The following TUBGCP2 variants were observed in gnomAD, a reference collection of about 807,000 sequenced individuals.
The protein encoded by TUBGCP2 is tubulin gamma complex component 2.
Under a neutral mutation model 92.2 loss-of-function variants are expected in TUBGCP2, and 55 were observed. The observed-to-expected ratio is 0.60, with a 90% CI of 0.48 to 0.75. TUBGCP2 has a LOEUF of 0.75. Among genes scored for constraint, TUBGCP2 ranks in the 30% least tolerant of loss-of-function variants. The pLI, the probability that TUBGCP2 is intolerant of heterozygous loss-of-function variation, is 0.00. For synonymous variants in TUBGCP2, 533 were observed against 505.2 expected (o/e 1.06, Z -0.74); for missense variants, 1,093 against 1,188.9 (o/e 0.92, Z 1.19).
intron 2 of TUBGCP2, among the ~76,000 whole-genome samples, chr10:133,300,857 C>T (rs1847628845): frequency 1.3e-5 from 2 of 152,204 alleles, no homozygotes; most frequent in Admixed American, 6.5e-5. Flanking sequence ...ATACATTTCA[C>T]TGTATTCCCT....
At chr10:133,293,490 T>C (rs998205481) in intron 6 of TUBGCP2, 72 bp downstream of exon 6, 4 of 1,492,490 alleles carry the variant, frequency 2.7e-6, no homozygotes, top group African/African-American at 2.8e-5. Context: ...GACGTCCCCA[T>C]GGTCATCAGG....
At chr10:133,291,321 GGCAGC>G (rs1847295015) in intron 8 of TUBGCP2, among the ~76,000 whole-genome samples, 1 of 59,322 alleles carries the variant, frequency 1.7e-5, no homozygotes, top group Non-Finnish European at 3.3e-5. Flanking sequence ...TACGGGAGAG[GGCAGC>G]ATGCACCGTC....
At chr10:133,310,690 C>T, upstream of TUBGCP2, 1 of 243,210 alleles carries the variant, frequency 4.1e-6, no homozygotes, top group South Asian at 5.2e-5. Flanking sequence ...ACACATCATG[C>T]AGCCCTGGCT....
rs1480114283 is a variant in TUBGCP2, at chr10:133,285,516, C to T, written c.1835G>A (p.Gly612Asp). 1 of 1,606,702 alleles carries T rather than the reference C, an allele frequency of 6.2e-7. No individual in the cohort carries two copies. The highest frequency in any genetic ancestry group is 2.2e-5 in the East Asian group (1 of 44,668). Residue 612 changes from glycine to aspartate, a missense_variant, in exon 12 of 18, where the codon GGC becomes GAC. Physicochemically the swap from Gly to Asp is moderately conservative, Grantham distance 94. Coordinates refer to ENST00000252936, the MANE Select transcript of TUBGCP2 (RefSeq NM_006659.4). This position sits in a 1 kb window ranked among gnomAD's most constrained non-coding sequence, Gnocchi z 6.8. ...GTAGTCGAAAGAGAAGGCCTCCAGGCCGCTCAGCGCCAGCTCCGTGGGGTC... is the reference window on the plus strand; with the variant it reads ...GTAGTCGAAAGAGAAGGCCTCCAGGTCGCTCAGCGCCAGCTCCGTGGGGTC... Reference protein sequence around the residue: ...HADPTELALSGLEAFSFDYIV... With the variant: ...HADPTELALSDLEAFSFDYIV...
At chr10:133,283,753 GTCT>G (rs1847055368) in intron 14 of TUBGCP2, 126 bp downstream of exon 14, 1 of 1,389,268 alleles carries the variant, frequency 7.2e-7, no homozygotes, top group Non-Finnish European at 9.8e-7. Context: ...CACTCCCTGC[GTCT>G]CCCTGCATTC....
At chr10:133,309,878 C>G (rs1847948623), upstream of TUBGCP2, 1 of 1,613,708 alleles carries the variant, frequency 6.2e-7, no homozygotes, top group African/African-American at 1.3e-5. Context: ...ATGTTTGCTC[C>G]TTTTGCAAGC....
chr10:133,284,165 C>T (rs575673517), intron 13 of TUBGCP2, among the ~76,000 whole-genome samples, 163 bp from the exon 14 acceptor site: 97 of 152,270 alleles, frequency 6.4e-4, no homozygotes, highest in Non-Finnish European at 1.1e-3. Context: ...CACTCACGGC[C>T]GCTGCTCCTG....
Position 133,285,487 on chromosome 10 carries a change from C to T in TUBGCP2, c.1864G>A (p.Val622Ile), listed in dbSNP as rs890814662. The T allele has an allele frequency of 6.2e-6, 10 of 1,612,782 alleles. No individual in the cohort carries two copies. Among genetic ancestry groups the T allele is most frequent in the African/African-American group, 4.0e-5 (3 of 74,926 alleles). ...GLEAFSFDYI[V>I]KWPLSLIINR... ...ATGATGAGCGAAAGGGGCCACTTGA[C>T]GATGTAGTCGAAAGAGAAGGCCTCC... Residue 622 changes from valine (V) to isoleucine (I), a missense_variant, in exon 12 of 18, where the codon GTC becomes ATC. Val to Ile is a conservative substitution (Grantham distance 29). Coordinates refer to ENST00000252936, the MANE Select transcript of TUBGCP2 (RefSeq NM_006659.4). The surrounding 1 kb of genome is among the most constrained non-coding windows in gnomAD (Gnocchi z 6.8).
intron 1 of TUBGCP2, among the ~76,000 whole-genome samples, chr10:133,305,244 T>C (rs1847780993): frequency 6.6e-6 from 1 of 152,354 alleles, no homozygotes; most frequent in African/African-American, 2.4e-5. Flanking sequence ...TTAAAGTCTT[T>C]GATCTTTCTG....
rs1214792697 is a variant in TUBGCP2, at chr10:133,293,609, C to T, written c.777G>A (p.Leu259=). The part of the protein sequence containing the change: ...DPNLDLSIRE[L]VHRILPVAAS... ...CGGCCACTGGGAGGATCCTGTGCAC[C>T]AGCTCCCTGATGGACAGGTCCAGGT... The change falls in exon 6 of 18, where the codon CTG becomes CTA. Residue 259 remains leucine (L), a synonymous_variant. Coordinates refer to ENST00000252936, the MANE Select transcript of TUBGCP2 (RefSeq NM_006659.4). 4 of 1,562,770 alleles carry T rather than the reference C, an allele frequency of 2.6e-6. No individual in the cohort carries two copies. Among genetic ancestry groups the T allele is most frequent in the Middle Eastern group, 1.7e-4 (1 of 6,022 alleles).
chr10:133,287,690 G>A (rs546577504), intron 11 of TUBGCP2, among the ~76,000 whole-genome samples: 8 of 150,440 alleles, frequency 5.3e-5, no homozygotes, highest in Non-Finnish European at 1.0e-4. Context: ...GCAGTGAGCT[G>A]AGATCATGCC....
intron 4 of TUBGCP2, 90 bp from the exon 5 acceptor site, chr10:133,298,201 G>C: frequency 7.2e-7 from 1 of 1,385,736 alleles, no homozygotes; most frequent in Non-Finnish European, 9.8e-7. Context: ...TAGCATCTAC[G>C]GCAAAGATGA....
upstream of TUBGCP2, chr10:133,312,225 G>GCCGTCTGCGTTTCTAGCGTCACCTGTT (rs1848007918): frequency 7.2e-7 from 1 of 1,381,062 alleles, no homozygotes. Flanking sequence ...CGTCACCTGT[G>GCCGTCTGCGTTTCTAGCGTCACCTGTT]CCGTCTGCCT....
intron 1 of TUBGCP2, among the ~76,000 whole-genome samples, chr10:133,307,063 AATC>A (rs761711441): frequency 6.6e-6 from 1 of 152,216 alleles, no homozygotes; most frequent in East Asian, 1.9e-4. Context: ...GGGGGATGCT[AATC>A]ATCAACAGAG....
At chr10:133,303,729 C>G (rs1158933823) in intron 1 of TUBGCP2, among the ~76,000 whole-genome samples, 2 of 152,270 alleles carry the variant, frequency 1.3e-5, no homozygotes, top group African/African-American at 4.8e-5. Context: ...CGTGACATCT[C>G]CTTTTCTTGC....
intron 5 of TUBGCP2, 73 bp from the exon 6 acceptor site, chr10:133,293,842 C>T (rs1589830817): frequency 2.2e-6 from 3 of 1,392,000 alleles, no homozygotes; most frequent in Non-Finnish European, 2.0e-6. Flanking sequence ...CCCTCATCTG[C>T]GGGTCAGTCT....
rs111483711 is a variant in TUBGCP2 at position 133,290,012 on chromosome 10, C to T, written c.1215-43G>A. The stretch of plus-strand genomic sequence containing the variant: ...GCTTCGGTCACAGGCAAAGCAAGGG[C>T]GCCTGAGGCAGGCGACACTTCTCCA... On this transcript the variant is annotated intron_variant, in intron 8 of 17. Transcript: ENST00000252936. 1.0e-3 allele frequency: 1,656 copies of T among 1,598,200 alleles called. 13 individuals carry two copies. In the African/African-American group the frequency reaches 0.018, roughly 17 times the overall value.
At chr10:133,309,015 G>A (rs1232977557), upstream of TUBGCP2, 3 of 1,261,132 alleles carry the variant, frequency 2.4e-6, no homozygotes, top group African/African-American at 3.1e-5. Flanking sequence ...TGCCTGTAGA[G>A]CGGGATCCCG....
intron 5 of TUBGCP2, chr10:133,297,416 T>C (rs1215410375): frequency 2.2e-6 from 1 of 452,202 alleles, no homozygotes; most frequent in Admixed American, 2.4e-5. Flanking sequence ...TAAAAATAAA[T>C]AAAAATAAAA....
Sources: gnomAD v4.1 joint callset for allele counts (sites outside exome capture counted in the v4.1 genomes callset) on GRCh38, gnomAD v4.1.1 for gene constraint, Gnocchi (gnomAD v3.1) non-coding constraint, MANE v1.5 for transcripts, NCBI Gene and HGNC (gene_info 2026-07-23, HGNC 2026-07-21) for gene names.